Variants in LRRC4C observed in about 807,000 individuals in gnomAD.
LRRC4C encodes leucine rich repeat containing 4C, also known as leucine-rich repeat-containing protein 4C.
LRRC4C carries 5 observed loss-of-function variants against 33.6 expected under a neutral mutation model. The observed-to-expected ratio is 0.15, with a 90% CI of 0.08 to 0.31. LRRC4C has a LOEUF of 0.31. Among genes scored for constraint, LRRC4C ranks in the 10% least tolerant of loss-of-function variants. LRRC4C has a pLI of 1.00. For missense variants in LRRC4C, 560 were observed against 796.7 expected (o/e 0.70, Z 3.58); for synonymous variants, 329 against 302.0 (o/e 1.09, Z -0.93).
At chr11:40,328,787 T>G (rs993341468) in intron 3 of LRRC4C, among the ~76,000 whole-genome samples, 2 of 152,196 alleles carry the variant, frequency 1.3e-5, no homozygotes, top group Admixed American at 1.3e-4. Context: ...ACAGAATATT[T>G]TATGGGTTAC....
chr11:41,068,943 CA>C (rs1029512439), intron 1 of LRRC4C, among the ~76,000 whole-genome samples: 7 of 152,176 alleles, frequency 4.6e-5, no homozygotes, highest in Non-Finnish European at 8.8e-5. Context: ...ATTCTGAGAC[CA>C]AAACCTGGAA....
intron 2 of LRRC4C, among the ~76,000 whole-genome samples, chr11:40,663,377 A>G (rs1201295998): frequency 6.6e-6 from 1 of 152,206 alleles, no homozygotes; most frequent in African/African-American, 2.4e-5. Flanking sequence ...CACCGCACCC[A>G]GCCAATTTAT....
rs374860021 is a variant in LRRC4C, at chr11:41,158,096, C to T, written c.-495-224373G>A. On this transcript the variant is annotated intron_variant, in intron 1 of 6. Coordinates refer to ENST00000528697, the MANE Select transcript of LRRC4C (RefSeq NM_001258419.2). ...TTCCCAGCCTCTGGTGCTGTTCTCA[C>T]GAGTTAACACTTTTATTCCCACAAT... Among the ~76,000 whole-genome samples the T allele has an allele frequency of 7.2e-5, 11 of 151,986 alleles. 1 individual carries two copies. Among genetic ancestry groups the T allele is most frequent in the Non-Finnish European group, 1.2e-4 (8 of 67,990 alleles).
intron 2 of LRRC4C, among the ~76,000 whole-genome samples, chr11:40,713,475 G>A (rs1946562498): frequency 6.6e-6 from 1 of 152,146 alleles, no homozygotes; most frequent in Non-Finnish European, 1.5e-5. Context: ...AGGATTAGAA[G>A]CCCGCTTCTG....
At chr11:40,277,248 C>A (rs1943174425) in intron 4 of LRRC4C, among the ~76,000 whole-genome samples, 1 of 152,140 alleles carries the variant, frequency 6.6e-6, no homozygotes, top group African/African-American at 2.4e-5. Flanking sequence ...TGTTTCTTCA[C>A]TCTCCCCAAC....
chr11:41,296,652 A>G (rs1345565319), intron 1 of LRRC4C, among the ~76,000 whole-genome samples: 3 of 152,178 alleles, frequency 2.0e-5, no homozygotes, highest in African/African-American at 7.2e-5. Context: ...GAACGAGAGC[A>G]AAATCCAAAA....
Position 40,658,783 on chromosome 11 carries a change from G to A in LRRC4C, c.-406-10505C>T, listed in dbSNP as rs142480278. ...CTAATGTCAGAAGCCCTAGGTATAGGAACAATGGAAATGCATATGGTCAAT... is the reference window on the plus strand; with the variant it reads ...CTAATGTCAGAAGCCCTAGGTATAGAAACAATGGAAATGCATATGGTCAAT... On this transcript the variant is annotated intron_variant, in intron 2 of 6. Coordinates refer to ENST00000528697, the MANE Select transcript of LRRC4C (RefSeq NM_001258419.2). 1.2e-4 allele frequency among the ~76,000 whole-genome samples: 19 copies of A among 152,292 alleles called. No homozygotes were observed. In the East Asian group the frequency reaches 3.3e-3, roughly 26 times the overall value.
chr11:41,277,951 G>T (rs568536036), intron 1 of LRRC4C, among the ~76,000 whole-genome samples: 1 of 151,840 alleles, frequency 6.6e-6, no homozygotes, highest in African/African-American at 2.4e-5. Flanking sequence ...CAAATAACGC[G>T]TGATCCCATT....
At chr11:41,022,981 T>C (rs1298533767) in intron 1 of LRRC4C, among the ~76,000 whole-genome samples, 2 of 152,044 alleles carry the variant, frequency 1.3e-5, no homozygotes, top group Admixed American at 6.6e-5. Flanking sequence ...CACAAATCTG[T>C]ATGTAAAAAT....
chr11:41,359,376 A>C (rs1284394347), intron 1 of LRRC4C, among the ~76,000 whole-genome samples: 4 of 152,174 alleles, frequency 2.6e-5, no homozygotes, highest in Admixed American at 6.5e-5. Flanking sequence ...ATGTAGGATA[A>C]TCAACTGTAA....
chr11:41,270,758 A>G lies in LRRC4C; in HGVS notation c.-496+188673T>C, dbSNP rs60062858. On this transcript the variant is annotated intron_variant, in intron 1 of 6. Coordinates refer to ENST00000528697, the MANE Select transcript of LRRC4C (RefSeq NM_001258419.2). ...GCTATATCAGTTTCCTTGGTCTGCC[A>G]TAGCAAATGACTACAAATTTGGTAT... 6.2e-3 allele frequency among the ~76,000 whole-genome samples: 943 copies of G among 152,224 alleles called. 13 individuals are homozygous for G. The highest frequency in any genetic ancestry group is 0.021 in the African/African-American group (868 of 41,530).
At chr11:40,709,457 C>A (rs533815772) in intron 2 of LRRC4C, among the ~76,000 whole-genome samples, 3 of 152,088 alleles carry the variant, frequency 2.0e-5, no homozygotes, top group African/African-American at 7.2e-5. Flanking sequence ...TTCTCCTTCA[C>A]TTATGAAGCT....
chr11:41,014,776 A>G (rs1191001597), intron 1 of LRRC4C, among the ~76,000 whole-genome samples: 4 of 152,128 alleles, frequency 2.6e-5, no homozygotes, highest in Non-Finnish European at 4.4e-5. Context: ...GAGGGGGATC[A>G]GTCTCCTCGG....
intron 5 of LRRC4C, among the ~76,000 whole-genome samples, chr11:40,181,072 C>T (rs1000229423): frequency 1.3e-5 from 2 of 152,114 alleles, no homozygotes; most frequent in African/African-American, 2.4e-5. Flanking sequence ...GATGTTTTGT[C>T]GTAATGGTCA....
At chr11:41,267,729 A>T (rs1208342646) in intron 1 of LRRC4C, among the ~76,000 whole-genome samples, 1 of 152,118 alleles carries the variant, frequency 6.6e-6, no homozygotes, top group Non-Finnish European at 1.5e-5. Flanking sequence ...CTCCTTGCTT[A>T]CTATGTGATT....
chr11:40,913,795 C>T (rs540143010), intron 2 of LRRC4C, among the ~76,000 whole-genome samples: 1 of 152,052 alleles, frequency 6.6e-6, no homozygotes, highest in South Asian at 2.1e-4. Flanking sequence ...ATTGGTAGAC[C>T]ACTAGTAAGA....
intron 2 of LRRC4C, among the ~76,000 whole-genome samples, chr11:40,739,273 T>A (rs1451473074): frequency 6.6e-6 from 1 of 152,012 alleles, no homozygotes; most frequent in Non-Finnish European, 1.5e-5. Context: ...TTAGCTCAAC[T>A]TTTTTAGATT....
intron 2 of LRRC4C, among the ~76,000 whole-genome samples, chr11:40,688,564 A>G (rs116810264): frequency 0.01 from 1,548 of 152,224 alleles, 24 homozygotes; most frequent in African/African-American, 0.035. Context: ...GCATCAGATA[A>G]GGAGATGACA....
intron 1 of LRRC4C, among the ~76,000 whole-genome samples, chr11:41,008,848 A>G (rs1854954224): frequency 6.6e-6 from 1 of 151,528 alleles, no homozygotes; most frequent in African/African-American, 2.4e-5. Flanking sequence ...AGATTCAAAA[A>G]CTCCTTTATG....
Sources: gnomAD v4.1 joint callset for allele counts (sites outside exome capture counted in the v4.1 genomes callset) on GRCh38, gnomAD v4.1.1 for gene constraint, MANE v1.5 for transcripts, NCBI Gene and HGNC (gene_info 2026-07-23, HGNC 2026-07-21) for gene names.